CSMD1: variants seen among roughly 807,000 people sequenced by gnomAD.
CSMD1 encodes CUB and Sushi multiple domains 1, also known as CUB and sushi domain-containing protein 1.
Under a neutral mutation model 417.5 loss-of-function variants are expected in CSMD1, and 213 were observed. The observed-to-expected ratio is 0.51, with a 90% CI of 0.46 to 0.57. The LOEUF is 0.57. CSMD1 is among the 20% of genes least tolerant of loss of function. CSMD1 has a pLI of 0.00. For synonymous variants in CSMD1, 2,862 were observed against 1,736.8 expected, an observed-to-expected ratio of 1.65 and a Z score of -16.11; for missense variants, 6,923 against 4,529.7, an observed-to-expected ratio of 1.53 and a Z score of -15.17.
intron 5 of CSMD1, among the ~76,000 whole-genome samples, chr8:3,915,046 T>C (rs1808720253): frequency 6.6e-6 from 1 of 152,072 alleles, no homozygotes; most frequent in Non-Finnish European, 1.5e-5. Flanking sequence ...CATCCAGGGA[T>C]ACAGGCAGGG....
At chr8:4,920,686 G>A (rs910898684) in intron 1 of CSMD1, among the ~76,000 whole-genome samples, 2 of 151,796 alleles carry the variant, frequency 1.3e-5, no homozygotes, top group South Asian at 2.1e-4. Flanking sequence ...GCCATGCGTG[G>A]GTGGTGCATG....
At chr8:3,444,274 G>T (rs997265967) in intron 12 of CSMD1, among the ~76,000 whole-genome samples, 5 of 152,268 alleles carry the variant, frequency 3.3e-5, no homozygotes, top group African/African-American at 9.6e-5. Flanking sequence ...ATTTGGAATG[G>T]TTTATCCCAC....
At chr8:3,859,238 T>A (rs1169496665) in intron 5 of CSMD1, among the ~76,000 whole-genome samples, 1 of 152,228 alleles carries the variant, frequency 6.6e-6, no homozygotes, top group Non-Finnish European at 1.5e-5. Flanking sequence ...ACTTCTCAAG[T>A]GAACGCCATT....
At chr8:4,348,391 G>T (rs1800897448) in intron 3 of CSMD1, among the ~76,000 whole-genome samples, 1 of 152,032 alleles carries the variant, frequency 6.6e-6, no homozygotes, top group Admixed American at 6.6e-5. Context: ...AAAGAACGTT[G>T]CAGGTCACAG....
intron 7 of CSMD1, among the ~76,000 whole-genome samples, chr8:3,636,391 T>C (rs187121313): frequency 6.6e-6 from 1 of 152,290 alleles, no homozygotes; most frequent in Non-Finnish European, 1.5e-5. Context: ...TTGGCTAGGC[T>C]GGTCTCAGAC....
At chr8:3,414,012 G>T (rs1336397933) in intron 12 of CSMD1, among the ~76,000 whole-genome samples, 1 of 151,444 alleles carries the variant, frequency 6.6e-6, no homozygotes, top group Non-Finnish European at 1.5e-5. Context: ...GGTGGTGCAC[G>T]CCTGGAATCC....
intron 5 of CSMD1, among the ~76,000 whole-genome samples, chr8:3,895,490 G>A (rs1255405528): frequency 6.6e-6 from 1 of 151,878 alleles, no homozygotes; most frequent in Non-Finnish European, 1.5e-5. Context: ...AATATTATTA[G>A]GCCTATTATC....
intron 67 of CSMD1, among the ~76,000 whole-genome samples, chr8:2,949,650 C>G (rs970363793): frequency 6.8e-6 from 1 of 146,234 alleles, no homozygotes; most frequent in Admixed American, 7.0e-5. Context: ...TACAATATAT[C>G]CATATGTTAA....
intron 6 of CSMD1, among the ~76,000 whole-genome samples, chr8:3,722,364 T>C (rs1377074719): frequency 6.6e-6 from 1 of 152,100 alleles, no homozygotes; most frequent in African/African-American, 2.4e-5. Context: ...TAAGACGAAG[T>C]TGAGGGTCAC....
At chr8:4,157,809 C>T (rs1028154093) in intron 3 of CSMD1, among the ~76,000 whole-genome samples, 2 of 152,164 alleles carry the variant, frequency 1.3e-5, no homozygotes, top group African/African-American at 4.8e-5. Context: ...GGGCCTTGGT[C>T]CAGCTTTAGT....
Position 4,145,840 on chromosome 8 carries a change from G to A in CSMD1, c.416-113741C>T, listed in dbSNP as rs751735388. On this transcript the variant is annotated intron_variant, in intron 3 of 69. Coordinates refer to ENST00000635120, the MANE Select transcript of CSMD1 (RefSeq NM_033225.6). ...GGGTTGGAATGGCTTCCAGGAAGCAGAGCCGTTCACACCAGCTTTGAATTT... is the reference window on the plus strand; with the variant it reads ...GGGTTGGAATGGCTTCCAGGAAGCAAAGCCGTTCACACCAGCTTTGAATTT... 2.6e-5 allele frequency among the ~76,000 whole-genome samples: 4 copies of A among 151,208 alleles called. No individual in the cohort carries two copies. The South Asian group carries it at 6.2e-4, about 23-fold the overall frequency.
intron 1 of CSMD1, among the ~76,000 whole-genome samples, chr8:4,830,278 G>A (rs987713924): frequency 2.0e-5 from 3 of 152,154 alleles, no homozygotes; most frequent in Non-Finnish European, 2.9e-5. Context: ...GGTAAAGAAA[G>A]GAACCATGAG....
At chr8:3,484,461 T>C (rs1181099415) in intron 11 of CSMD1, among the ~76,000 whole-genome samples, 1 of 152,188 alleles carries the variant, frequency 6.6e-6, no homozygotes, top group Non-Finnish European at 1.5e-5. Flanking sequence ...GACTTAAATG[T>C]AATATGTAAA....
intron 5 of CSMD1, among the ~76,000 whole-genome samples, chr8:3,885,905 G>A (rs142213036): frequency 3.1e-4 from 47 of 152,136 alleles, no homozygotes; most frequent in African/African-American, 1.1e-3. Context: ...AAAGTTTGTT[G>A]TTAATCTGTG....
At chr8:3,425,491 G>A (rs942697664) in intron 12 of CSMD1, among the ~76,000 whole-genome samples, 28 of 151,718 alleles carry the variant, frequency 1.8e-4, no homozygotes, top group African/African-American at 6.0e-4. Context: ...GGGAGGCTGA[G>A]GCAGGAGAAC....
chr8:4,377,204 C>T (rs1802806467), intron 3 of CSMD1, among the ~76,000 whole-genome samples: 1 of 152,042 alleles, frequency 6.6e-6, no homozygotes, highest in Non-Finnish European at 1.5e-5. Context: ...TTTGGAAGGG[C>T]TGAGAGCGCA....
chr8:4,255,177 A>G (rs534237211), intron 3 of CSMD1, among the ~76,000 whole-genome samples: 2 of 152,326 alleles, frequency 1.3e-5, no homozygotes, highest in African/African-American at 2.4e-5. Context: ...CCCATGCTGG[A>G]AAGAGCATGA....
chr8:4,372,296 A>G (rs1802443314), intron 3 of CSMD1, among the ~76,000 whole-genome samples: 1 of 152,214 alleles, frequency 6.6e-6, no homozygotes, highest in South Asian at 2.1e-4. Flanking sequence ...TCTGTGGGTT[A>G]AATGACATCA....
chr8:4,479,185 C>A (rs1209245772), intron 2 of CSMD1, among the ~76,000 whole-genome samples: 1 of 152,120 alleles, frequency 6.6e-6, no homozygotes, highest in East Asian at 1.9e-4. Flanking sequence ...GGGTCCACAA[C>A]CTTGAAATGT....
Sources: allele counts gnomAD v4.1 joint callset (sites outside exome capture counted in the v4.1 genomes callset), GRCh38; gene constraint gnomAD v4.1.1; transcripts MANE v1.5; gene names NCBI Gene and HGNC (gene_info 2026-07-23, HGNC 2026-07-21).